Variants in RANBP2 observed in about 807,000 individuals in gnomAD.
RANBP2 encodes RAN binding protein 2.
In RANBP2, 57 loss-of-function variants were observed where a neutral mutation model predicts 303.6. The observed-to-expected ratio is 0.19, with a 90% CI of 0.15 to 0.23. The LOEUF is 0.23. Among genes scored for constraint, RANBP2 ranks in the 10% least tolerant of loss-of-function variants. The probability of loss-of-function intolerance (pLI) is 1.00; values close to 1 mark genes in which losing one functional copy is unlikely to be tolerated. For missense variants in RANBP2, 3,138 were observed against 3,780.8 expected (o/e 0.83, Z 4.46); for synonymous variants, 1,167 against 1,301.5 (o/e 0.90, Z 2.23).
chr2:109,168,996 GGCAGCTCATGAGTTT>G, the RANBP2 span, among the ~76,000 whole-genome samples: 1 of 152,170 alleles, frequency 6.6e-6, no homozygotes, highest in Non-Finnish European at 1.5e-5. Context: ...CTGGAAGAAA[GGCAGCTCATGAGTTT>G]GCCTAACAGG....
the RANBP2 span, among the ~76,000 whole-genome samples, chr2:109,517,226 T>G: frequency 6.6e-6 from 1 of 152,150 alleles, no homozygotes; most frequent in Non-Finnish European, 1.5e-5. Context: ...CCTCCCCTGT[T>G]GCCAGCATCG....
the RANBP2 span, among the ~76,000 whole-genome samples, chr2:109,478,333 G>A: frequency 6.6e-6 from 1 of 152,184 alleles, no homozygotes; most frequent in Non-Finnish European, 1.5e-5. Context: ...CTGAAAATGT[G>A]TCCTTTGAGT....
chr2:109,134,274 C>T, the RANBP2 span, among the ~76,000 whole-genome samples: 2 of 152,108 alleles, frequency 1.3e-5, no homozygotes, highest in African/African-American at 4.8e-5. Context: ...TCCAGTTTGG[C>T]TGGATGGTTG....
the RANBP2 span, among the ~76,000 whole-genome samples, chr2:109,555,059 G>A: frequency 6.6e-6 from 1 of 152,046 alleles, no homozygotes; most frequent in African/African-American, 2.4e-5. Context: ...CTTCACTACT[G>A]CAACAATCTC....
At chr2:108,933,420 C>T in the RANBP2 span, among the ~76,000 whole-genome samples, 11 of 152,232 alleles carry the variant, frequency 7.2e-5, no homozygotes, top group Middle Eastern at 3.4e-3. Context: ...AAGGGGGTCC[C>T]AGGGGAGATC....
the RANBP2 span, among the ~76,000 whole-genome samples, chr2:109,272,070 C>T: frequency 6.6e-6 from 1 of 152,318 alleles, no homozygotes; most frequent in Non-Finnish European, 1.5e-5. Context: ...TGTGTCATGG[C>T]CGGGCCTCCT....
chr2:108,948,298 G>T, the RANBP2 span, among the ~76,000 whole-genome samples: 5 of 152,322 alleles, frequency 3.3e-5, no homozygotes, highest in South Asian at 1.0e-3. Context: ...CAACAAGTCT[G>T]TAGGAAGTTC....
the RANBP2 span, among the ~76,000 whole-genome samples, chr2:109,590,053 T>A: frequency 6.8e-6 from 1 of 147,514 alleles, no homozygotes; most frequent in East Asian, 2.0e-4. Flanking sequence ...TATATATGTG[T>A]GTGTATATAT....
At chr2:109,370,782 C>T in the RANBP2 span, among the ~76,000 whole-genome samples, 1 of 152,298 alleles carries the variant, frequency 6.6e-6, no homozygotes, top group South Asian at 2.1e-4. Flanking sequence ...CTGCCTCTTC[C>T]TTTCTCCTTC....
chr2:109,101,656 C>T, the RANBP2 span, among the ~76,000 whole-genome samples: 1 of 152,092 alleles, frequency 6.6e-6, no homozygotes, highest in Admixed American at 6.5e-5. Flanking sequence ...GATCCAGAAG[C>T]AGAAATAGTG....
At chr2:109,329,224 G>A in the RANBP2 span, among the ~76,000 whole-genome samples, 63 of 152,138 alleles carry the variant, frequency 4.1e-4, no homozygotes, top group African/African-American at 1.5e-3. Context: ...CAATTACCAG[G>A]TCCAGTCTCT....
chr2:109,215,676 G>C, the RANBP2 span, among the ~76,000 whole-genome samples: 2 of 152,292 alleles, frequency 1.3e-5, no homozygotes, highest in African/African-American at 2.4e-5. Context: ...CTGAGAAGCT[G>C]CTGCTTCTGG....
At chr2:109,664,474 G>A in the RANBP2 span, among the ~76,000 whole-genome samples, 4 of 151,730 alleles carry the variant, frequency 2.6e-5, no homozygotes, top group Non-Finnish European at 5.9e-5. Context: ...CATTGTGGCC[G>A]GCACCTGTAA....
At chr2:109,677,326 T>C in the RANBP2 span, among the ~76,000 whole-genome samples, 1 of 152,130 alleles carries the variant, frequency 6.6e-6, no homozygotes, top group Non-Finnish European at 1.5e-5. Context: ...GCCCGACGTT[T>C]CTCTGAATCT....
the RANBP2 span, among the ~76,000 whole-genome samples, chr2:109,570,292 T>C: frequency 6.6e-6 from 1 of 152,148 alleles, no homozygotes; most frequent in Non-Finnish European, 1.5e-5. Context: ...CATAAAATAT[T>C]TCATTTTGGT....
the RANBP2 span, among the ~76,000 whole-genome samples, chr2:109,536,112 T>A: frequency 1.3e-5 from 2 of 149,814 alleles, no homozygotes; most frequent in Non-Finnish European, 3.0e-5. Flanking sequence ...AAATGTGGGG[T>A]CAGAGCCAAA....
the RANBP2 span, among the ~76,000 whole-genome samples, chr2:109,012,557 A>G: frequency 4.6e-5 from 7 of 152,166 alleles, no homozygotes; most frequent in Non-Finnish European, 4.4e-5. Flanking sequence ...ATGAAGCCCA[A>G]GCTTCTGCTT....
At chr2:109,444,043 A>G in the RANBP2 span, among the ~76,000 whole-genome samples, 2 of 152,232 alleles carry the variant, frequency 1.3e-5, no homozygotes, top group Non-Finnish European at 2.9e-5. Flanking sequence ...CATGGAAACT[A>G]CATTCCCTGA....
the RANBP2 span, among the ~76,000 whole-genome samples, chr2:109,653,685 A>C: frequency 6.6e-6 from 1 of 152,320 alleles, no homozygotes; most frequent in South Asian, 2.1e-4. Context: ...CGGGTCACAC[A>C]AAATAATTTC....
Sources: gnomAD v4.1 joint callset for allele counts (sites outside exome capture counted in the v4.1 genomes callset) on GRCh38, gnomAD v4.1.1 for gene constraint, MANE v1.5 for transcripts, NCBI Gene and HGNC (gene_info 2026-07-23, HGNC 2026-07-21) for gene names.